DHX40: variants seen among roughly 807,000 people sequenced by gnomAD.
The protein encoded by DHX40 is probable ATP-dependent RNA helicase DHX40.
In DHX40, 28 loss-of-function variants were observed where a neutral mutation model predicts 89.6. The observed-to-expected ratio is 0.31, with a 90% CI of 0.23 to 0.43. The LOEUF is 0.43. Ranked by LOEUF, DHX40 falls within the 20% of genes least tolerant of loss-of-function variation. The probability of loss-of-function intolerance (pLI) is 1.00; values close to 1 mark genes in which losing one functional copy is unlikely to be tolerated. For synonymous variants in DHX40, 226 were observed against 283.6 expected (o/e 0.80, Z 2.04); for missense variants, 457 against 844.0 (o/e 0.54, Z 5.68).
At chr17:59,593,778 G>A (rs868727147) in intron 12 of DHX40, among the ~76,000 whole-genome samples, 1 of 150,308 alleles carries the variant, frequency 6.7e-6, no homozygotes, top group Admixed American at 6.7e-5. Context: ...CACCATGCCC[G>A]GCCCCTTGTC....
intron 12 of DHX40, among the ~76,000 whole-genome samples, chr17:59,590,579 C>G (rs1489344219): frequency 1.3e-5 from 2 of 151,608 alleles, no homozygotes; most frequent in African/African-American, 2.4e-5. Context: ...GTGATCCTCC[C>G]ATACCTCAGC....
intron 2 of DHX40, among the ~76,000 whole-genome samples, chr17:59,569,125 T>C (rs982377787): frequency 1.3e-5 from 2 of 152,086 alleles, no homozygotes; most frequent in African/African-American, 4.8e-5. Context: ...GGTCAGAAGT[T>C]TGCGACCAGC....
At chr17:59,600,887 C>G (rs554239947) in intron 14 of DHX40, among the ~76,000 whole-genome samples, 1 of 137,796 alleles carries the variant, frequency 7.3e-6, no homozygotes, top group Non-Finnish European at 1.5e-5. Flanking sequence ...TGTTTTTATG[C>G]GTACAGGTCA....
intron 10 of DHX40, among the ~76,000 whole-genome samples, chr17:59,585,936 A>G (rs2048988918): frequency 6.6e-6 from 1 of 151,742 alleles, no homozygotes; most frequent in Non-Finnish European, 1.5e-5. Flanking sequence ...AGGGGAGTCA[A>G]AAAGAATCAC....
At chr17:59,592,608 T>C (rs1245654741) in intron 12 of DHX40, among the ~76,000 whole-genome samples, 1 of 149,294 alleles carries the variant, frequency 6.7e-6, no homozygotes, top group African/African-American at 2.5e-5. Context: ...GACAGAGTCT[T>C]GCTCTGTCAT....
intron 12 of DHX40, among the ~76,000 whole-genome samples, chr17:59,595,034 A>T (rs546760785): frequency 3.7e-4 from 56 of 152,180 alleles, no homozygotes; most frequent in African/African-American, 1.2e-3. Context: ...TTGACCCTTG[A>T]ACACACAGGT....
At chr17:59,595,138 CA>C (rs1346231530) in intron 12 of DHX40, among the ~76,000 whole-genome samples, 14 of 151,474 alleles carry the variant, frequency 9.2e-5, no homozygotes, top group African/African-American at 3.4e-4. Flanking sequence ...GGTTGGAGTG[CA>C]GTGGCACAAT....
At chr17:59,597,587 C>T (rs1449275173) in intron 12 of DHX40, among the ~76,000 whole-genome samples, 1 of 152,026 alleles carries the variant, frequency 6.6e-6, no homozygotes, top group Non-Finnish European at 1.5e-5. Context: ...CAAGGTTTCA[C>T]TCTGTTGCCC....
intron 12 of DHX40, among the ~76,000 whole-genome samples, chr17:59,596,081 G>A (rs1598170459): frequency 6.6e-6 from 1 of 151,832 alleles, no homozygotes; most frequent in East Asian, 1.9e-4. Context: ...TATCAAAAAT[G>A]CATGCAAACA....
chr17:59,591,583 CT>C (rs2049083243), intron 12 of DHX40, among the ~76,000 whole-genome samples: 1 of 150,282 alleles, frequency 6.7e-6, no homozygotes, highest in Non-Finnish European at 1.5e-5. Flanking sequence ...TGGTGTTAGC[CT>C]TTTTTGGGTG....
chr17:59,593,765 A>G (rs1461420119), intron 12 of DHX40, among the ~76,000 whole-genome samples: 1 of 149,790 alleles, frequency 6.7e-6, no homozygotes, highest in African/African-American at 2.5e-5. Flanking sequence ...TACAGGAGTG[A>G]GCCACCATGC....
At chr17:59,602,012 T>A (rs1414180765) in intron 14 of DHX40, among the ~76,000 whole-genome samples, 1 of 152,252 alleles carries the variant, frequency 6.6e-6, no homozygotes, top group East Asian at 1.9e-4. Flanking sequence ...TAAGAGGTTC[T>A]TTTCTTGGGC....
chr17:59,576,750 GT>G (rs1170770450), intron 7 of DHX40, among the ~76,000 whole-genome samples: 7 of 151,804 alleles, frequency 4.6e-5, no homozygotes, highest in Non-Finnish European at 1.5e-5. Flanking sequence ...TGTTTGGTTT[GT>G]TATTAATCAT....
Position 59,594,817 on chromosome 17 carries a change from C to T in DHX40, c.1583-3920C>T, listed in dbSNP as rs549256517. ...TTTCAGGCTGCCTTGAAGGCTCTCG[C>T]ATAGCCCTTCCACACACACAGCTGT... is the stretch of plus-strand genomic sequence containing the variant. On this transcript the variant is annotated intron_variant, in intron 12 of 17. Transcript: ENST00000251241. 7.9e-5 allele frequency among the ~76,000 whole-genome samples: 12 copies of T among 151,994 alleles called. 1 individual carries two copies. In the South Asian group the frequency reaches 2.3e-3, roughly 29 times the overall value.
At chr17:59,570,755 C>T in intron 3 of DHX40, 92 bp downstream of exon 3, 2 of 1,341,848 alleles carry the variant, frequency 1.5e-6, no homozygotes, top group South Asian at 3.0e-5. Flanking sequence ...GCAATCATGG[C>T]TCTCTGTAGC....
chr17:59,602,166 TC>T (rs2030570363), intron 14 of DHX40, among the ~76,000 whole-genome samples: 1 of 152,168 alleles, frequency 6.6e-6, no homozygotes, highest in Non-Finnish European at 1.5e-5. Flanking sequence ...ACCTTGGTCT[TC>T]CTGGACTCCC....
intron 11 of DHX40, among the ~76,000 whole-genome samples, chr17:59,586,756 A>G (rs1479582827): frequency 6.6e-6 from 1 of 152,124 alleles, no homozygotes; most frequent in African/African-American, 2.4e-5. Context: ...TCTGAGTACC[A>G]TTTCAGTGCT....
At chr17:59,592,258 A>G (rs978567581) in intron 12 of DHX40, among the ~76,000 whole-genome samples, 1 of 152,064 alleles carries the variant, frequency 6.6e-6, no homozygotes, top group East Asian at 1.9e-4. Context: ...GAATCTACAG[A>G]AAGTAGTTTG....
intron 7 of DHX40, among the ~76,000 whole-genome samples, chr17:59,576,573 A>G (rs944702228): frequency 6.6e-6 from 1 of 152,126 alleles, no homozygotes; most frequent in African/African-American, 2.4e-5. Context: ...AATCTTTTTT[A>G]TGATGATATT....
Sources: allele counts gnomAD v4.1 joint callset (sites outside exome capture counted in the v4.1 genomes callset), GRCh38; gene constraint gnomAD v4.1.1; transcripts MANE v1.5; gene names NCBI Gene and HGNC (gene_info 2026-07-23, HGNC 2026-07-21).